The following KLC4 variants were observed in gnomAD, a reference collection of about 807,000 sequenced individuals.
KLC4 encodes the protein kinesin-like protein 8.
In KLC4, 49 loss-of-function variants were observed where a neutral mutation model predicts 77.2. The ratio of observed to expected loss-of-function variants is 0.63; its 90% CI spans 0.50 to 0.80. KLC4 has a LOEUF of 0.80. KLC4 is among the 30% of genes least tolerant of loss of function. KLC4 has a pLI of 0.00. For missense variants in KLC4, 669 were observed against 793.5 expected (o/e 0.84, Z 1.89); for synonymous variants, 274 against 314.5 (o/e 0.87, Z 1.36).
chr6:43,070,832 C>T lies in KLC4; in HGVS notation c.1122C>T (p.Asp374=), dbSNP rs1403285284. 6.2e-7 allele frequency: 1 copy of T among 1,608,346 alleles called. No homozygotes were observed. Among genetic ancestry groups the T allele is most frequent in the Admixed American group, 1.7e-5 (1 of 58,738 alleles). The part of the protein sequence containing the change: ...LAIYEGQLGP[D]NPNVARTKNN... ...TCTACGAGGGGCAGCTGGGGCCGGA[C>T]AACCCTAATGTAGCCCGGACCAAGA... is the stretch of plus-strand genomic sequence containing the variant. The change falls in exon 8 of 16, where the codon GAC becomes GAT. Residue 374 remains aspartate, a synonymous_variant. Coordinates refer to ENST00000347162, the MANE Select transcript of KLC4 (RefSeq NM_201521.3).
At chr6:43,073,142 C>A in intron 13 of KLC4, 81 bp from the exon 14 acceptor site, 1 of 1,359,206 alleles carries the variant, frequency 7.4e-7, no homozygotes, top group Non-Finnish European at 1.0e-6. Context: ...GGGATGTGTG[C>A]AGAATAAATG....
intron 11 of KLC4, 103 bp from the exon 12 acceptor site, chr6:43,072,044 C>G (rs1765755684): frequency 7.2e-7 from 1 of 1,381,120 alleles, no homozygotes; most frequent in African/African-American, 1.4e-5. Flanking sequence ...TCTGTTCCCT[C>G]TCCTATTTTC....
chr6:43,072,394 G>A, intron 12 of KLC4, 139 bp downstream of exon 12: 1 of 656,100 alleles, frequency 1.5e-6, no homozygotes, highest in African/African-American at 1.8e-5. Context: ...AGGCAGTGTT[G>A]TGATTGTGGT....
chr6:43,068,972 G>T (rs893110366), intron 6 of KLC4, among the ~76,000 whole-genome samples: 3 of 152,152 alleles, frequency 2.0e-5, no homozygotes, highest in African/African-American at 7.2e-5. Context: ...GCCAGTTGTG[G>T]TGGCATGCAC....
intron 2 of KLC4, 79 bp from the exon 3 acceptor site, chr6:43,062,838 C>A: frequency 8.2e-7 from 1 of 1,215,056 alleles, no homozygotes; most frequent in Non-Finnish European, 1.2e-6. Context: ...AGTCTTGCCA[C>A]GTCCCAGTAG....
rs1053628176 is a variant in KLC4 at position 43,059,694 on chromosome 6, T to G, written c.-26+9T>G. The G allele has an allele frequency of 1.1e-5, 14 of 1,318,020 alleles. No homozygotes were observed. The Admixed American group carries it at 3.6e-4, about 34-fold the overall frequency. The allele number at this position is 1,318,020 out of a possible 1,614,324, so 81.6% of individuals were successfully genotyped here. A position where few individuals can be genotyped will look rare whatever the true frequency, so the allele number is the denominator to read the frequency against. On this transcript the variant is annotated intron_variant, in intron 1 of 15. Coordinates refer to ENST00000347162, the MANE Select transcript of KLC4 (RefSeq NM_201521.3). ...ACACCGGCAGATTGCAGGTGAGTCT[T>G]TGAGGGTATCCTGGGGCTGAAGGTT...
rs770966915 is a variant in KLC4, at chr6:43,071,347, C to T, written c.1228C>T (p.His410Tyr). The change falls in exon 9 of 16, where the codon CAT becomes TAT. Residue 410 changes from histidine to tyrosine, a missense_variant. Physicochemically the swap from His to Tyr is moderately conservative, Grantham distance 83. Coordinates refer to ENST00000347162, the MANE Select transcript of KLC4 (RefSeq NM_201521.3). ...TLYKEILTRAHVQEFGSVDDD... is the reference protein window; with the variant it reads ...TLYKEILTRAYVQEFGSVDDD... ...ATACAAAGAGATCCTGACCCGTGCC[C>T]ATGTACAGGAGTTTGGGTCTGTGGA... 2 of 1,613,670 alleles carry T rather than the reference C, an allele frequency of 1.2e-6. No individual in the cohort carries two copies. The highest frequency in any genetic ancestry group is 1.1e-5 in the South Asian group (1 of 91,060).
At position 43,070,551 on chromosome 6, in the gene KLC4, AC is replaced by A. The variant is rs1422402300; in HGVS notation, c.981+101del. 4.4e-6 allele frequency: 6 copies of A among 1,349,026 alleles called. No individual in the cohort carries two copies. In the African/African-American group the frequency reaches 8.9e-5, roughly 20 times the overall value. The allele number at this position is 1,349,026 out of a possible 1,614,324, so 83.6% of individuals were successfully genotyped here. ...CCTCCTCCTTCACTTTTTTTTTCTC[AC>A]CCCCATCTCTGCTTTGTTCTCTCTT... On this transcript the variant is annotated intron_variant, in intron 7 of 15. Transcript: ENST00000347162.
rs541346238 is a variant in KLC4 at position 43,071,223 on chromosome 6, C to T, written c.1156-52C>T. On this transcript the variant is annotated intron_variant, in intron 8 of 15. Coordinates refer to ENST00000347162, the MANE Select transcript of KLC4 (RefSeq NM_201521.3). ...TCTAAAAAAAAAAAAAAAAAAAAGACCTTGCCTCCCTCCATGTTTTGTTCC... is the reference window on the plus strand; with the variant it reads ...TCTAAAAAAAAAAAAAAAAAAAAGATCTTGCCTCCCTCCATGTTTTGTTCC... 8 of 984,844 alleles carry T rather than the reference C, an allele frequency of 8.1e-6. No individual in the cohort carries two copies. The South Asian group carries it at 1.0e-4, about 13-fold the overall frequency. The allele number at this position is 984,844 out of a possible 1,614,324, so 61.0% of individuals were successfully genotyped here.
At chr6:43,070,886 T>C (rs199595578) in intron 8 of KLC4, 21 bp downstream of exon 8, 3 of 1,065,104 alleles carry the variant, frequency 2.8e-6, no homozygotes, top group African/African-American at 2.1e-5. Context: ...AGGGACAAAG[T>C]AGGTGGAAGA....
chr6:43,074,599 T>C (rs1209836775), intron 15 of KLC4, 23 bp from the exon 16 acceptor site: 2 of 1,612,796 alleles, frequency 1.2e-6, no homozygotes, highest in East Asian at 2.2e-5. Context: ...CCTGAGCTGA[T>C]GGGGTAGTGT....
In KLC4 at chr6:43,070,836, C is replaced by G; in HGVS notation, c.1126C>G (p.Pro376Ala). The G allele has an allele frequency of 6.2e-7, 1 of 1,610,846 alleles. No individual in the cohort carries two copies. The highest frequency in any genetic ancestry group is 8.5e-7 in the Non-Finnish European group (1 of 1,179,244). ...CGAGGGGCAGCTGGGGCCGGACAAC[C>G]CTAATGTAGCCCGGACCAAGAACAA... ...IYEGQLGPDN[P>A]NVARTKNNLA... Residue 376 changes from proline (P) to alanine (A), a missense_variant, in exon 8 of 16, where the codon CCT (proline) becomes GCT (alanine). Pro to Ala is a conservative substitution (Grantham distance 27). Coordinates refer to ENST00000347162, the MANE Select transcript of KLC4 (RefSeq NM_201521.3).
intron 14 of KLC4, 46 bp downstream of exon 14, chr6:43,073,384 CTCACGCCTGTAA>C: frequency 7.2e-7 from 1 of 1,387,978 alleles, no homozygotes; most frequent in Non-Finnish European, 1.0e-6. Context: ...GGTGCAGTGG[CTCACGCCTGTAA>C]TCCCAGCACT....
chr6:43,061,389 C>T lies in KLC4; in HGVS notation c.54C>T (p.Ser18=). 1.2e-6 allele frequency: 2 copies of T among 1,613,936 alleles called. No individual in the cohort carries two copies. The highest frequency in any genetic ancestry group is 1.7e-6 in the Non-Finnish European group (2 of 1,180,036). ...QRDEPAGHRL[S]QEEILGSTRL... ...ATGAGCCTGCAGGCCACCGGCTCAG[C>T]CAAGAGGAGATCCTGGGGAGCACAC... Residue 18 remains serine (S), a synonymous_variant, in exon 2 of 16, where the codon AGC becomes AGT. Coordinates refer to ENST00000347162, the MANE Select transcript of KLC4 (RefSeq NM_201521.3).
In KLC4 at chr6:43,074,834, G is replaced by A. The variant is rs957056306; in HGVS notation, c.*162G>A. 3.0e-6 allele frequency: 2 copies of A among 656,792 alleles called. No individual in the cohort carries two copies. Among genetic ancestry groups the A allele is most frequent in the East Asian group, 2.7e-5 (1 of 36,570 alleles). The allele number at this position is 656,792 out of a possible 1,614,324, so 40.7% of individuals were successfully genotyped here. A position where few individuals can be genotyped will look rare whatever the true frequency, so the allele number is the denominator to read the frequency against. ...CCTTAGGGTCTCAGCTCCCTCCTCA[G>A]GAATCCCTCTTAGGAAGGACCCTCA... On this transcript the variant is annotated 3_prime_UTR_variant, in exon 16 of 16. Coordinates refer to ENST00000347162, the MANE Select transcript of KLC4 (RefSeq NM_201521.3).
intron 15 of KLC4, 22 bp from the exon 16 acceptor site, chr6:43,074,599 TG>T: frequency 6.2e-7 from 1 of 1,612,796 alleles, no homozygotes; most frequent in South Asian, 1.1e-5. Context: ...CCTGAGCTGA[TG>T]GGGTAGTGTT....
intron 1 of KLC4, chr6:43,060,685 A>G (rs779768290): frequency 1.9e-5 from 19 of 1,011,614 alleles, no homozygotes; most frequent in Non-Finnish European, 2.2e-5. Context: ...GGTGGGAAGT[A>G]TGGGTTGAAG....
chr6:43,062,114 A>G (rs914057929), intron 2 of KLC4, among the ~76,000 whole-genome samples: 6 of 152,224 alleles, frequency 3.9e-5, no homozygotes, highest in Admixed American at 3.3e-4. Flanking sequence ...AGGTCAGTGA[A>G]CAGCAAGGGG....
chr6:43,073,599 A>G (rs1765834995), intron 14 of KLC4: 1 of 536,458 alleles, frequency 1.9e-6, no homozygotes, highest in Non-Finnish European at 3.3e-6. Flanking sequence ...GGGAGCCAAG[A>G]TCATGCCATT....
Sources: allele counts gnomAD v4.1 joint callset (sites outside exome capture counted in the v4.1 genomes callset), GRCh38; gene constraint gnomAD v4.1.1; transcripts MANE v1.5; gene names NCBI Gene and HGNC (gene_info 2026-07-23, HGNC 2026-07-21).